The following MYO5B variants were observed in gnomAD, a reference collection of about 807,000 sequenced individuals.
The protein encoded by MYO5B is unconventional myosin-Vb.
Under a neutral mutation model 229.3 loss-of-function variants are expected in MYO5B, and 143 were observed. That is an observed-to-expected ratio of 0.62 (90% CI 0.54 to 0.72). The LOEUF (loss-of-function observed/expected upper bound fraction) is 0.72. Among genes scored for constraint, MYO5B ranks in the 30% least tolerant of loss-of-function variants. The probability of loss-of-function intolerance (pLI) is 0.00; values close to 1 mark genes in which losing one functional copy is unlikely to be tolerated. For missense variants in MYO5B, 2,321 were observed against 2,331.0 expected (o/e 1.00, Z 0.09); for synonymous variants, 918 against 885.2 (o/e 1.04, Z -0.66).
intron 4 of MYO5B, among the ~76,000 whole-genome samples, chr18:50,029,095 C>T (rs1428415362): frequency 6.6e-6 from 1 of 152,114 alleles, no homozygotes; most frequent in East Asian, 1.9e-4. Context: ...AATAACTTTC[C>T]CCTACTCAGA....
At chr18:50,133,917 G>A (rs1264977134) in intron 1 of MYO5B, among the ~76,000 whole-genome samples, 11 of 152,176 alleles carry the variant, frequency 7.2e-5, no homozygotes, top group Non-Finnish European at 1.6e-4. Flanking sequence ...ATCTTTAAGA[G>A]AAAGACACAA....
chr18:49,928,619 T>G (rs1379313779), intron 17 of MYO5B, among the ~76,000 whole-genome samples: 1 of 152,170 alleles, frequency 6.6e-6, no homozygotes, highest in Non-Finnish European at 1.5e-5. Flanking sequence ...ACTCCCACTA[T>G]TGGGTATCTA....
At chr18:50,096,874 A>T (rs1373205850) in intron 1 of MYO5B, among the ~76,000 whole-genome samples, 1 of 152,112 alleles carries the variant, frequency 6.6e-6, no homozygotes, top group African/African-American at 2.4e-5. Flanking sequence ...GCATGGCTAC[A>T]ATATACCCCT....
chr18:50,000,500 A>AG (rs1174877886), intron 5 of MYO5B, among the ~76,000 whole-genome samples: 11 of 152,218 alleles, frequency 7.2e-5, no homozygotes, highest in African/African-American at 2.7e-4. Flanking sequence ...AGGGACTACG[A>AG]GGCCATTTCA....
chr18:50,102,797 A>AG (rs1035367069), intron 1 of MYO5B, among the ~76,000 whole-genome samples: 7 of 151,962 alleles, frequency 4.6e-5, no homozygotes, highest in South Asian at 4.2e-4. Flanking sequence ...AAAACCCCCC[A>AG]GGCCAAAGAA....
rs565077532 is a variant in MYO5B at position 49,886,705 on chromosome 18, T to C, written c.3046-6250A>G. Reference sequence around the variant, plus strand: ...ATTAATGCAACAGATGTTGTATGTCTTCAGAGGCTAAAATGTGACCTGGTG... The same window carrying C: ...ATTAATGCAACAGATGTTGTATGTCCTCAGAGGCTAAAATGTGACCTGGTG... On this transcript the variant is annotated intron_variant, in intron 22 of 39. Coordinates refer to ENST00000285039, the MANE Select transcript of MYO5B (RefSeq NM_001080467.3). Among the ~76,000 whole-genome samples, 15 of 152,332 alleles carry C rather than the reference T, an allele frequency of 9.8e-5. No individual in the cohort carries two copies. The South Asian group carries it at 2.9e-3, about 29-fold the overall frequency.
chr18:49,899,227 T>A (rs2024814231), intron 21 of MYO5B, among the ~76,000 whole-genome samples: 1 of 152,164 alleles, frequency 6.6e-6, no homozygotes, highest in Non-Finnish European at 1.5e-5. Context: ...AGAGGACCAC[T>A]GCCTAAGTTG....
rs781734385 is a variant in MYO5B at position 49,936,378 on chromosome 18, A to G, written c.1906-29T>C. 1.5e-5 allele frequency: 22 copies of G among 1,495,852 alleles called. No individual in the cohort carries two copies. The East Asian group carries it at 5.2e-4, about 35-fold the overall frequency. The allele number at this position is 1,495,852 out of a possible 1,614,324, so 92.7% of individuals were successfully genotyped here. A position where few individuals can be genotyped will look rare whatever the true frequency, so the allele number is the denominator to read the frequency against. On this transcript the variant is annotated intron_variant, in intron 15 of 39. Coordinates refer to ENST00000285039, the MANE Select transcript of MYO5B (RefSeq NM_001080467.3). ...GAGAGACAAAAGCCAGTGCTTGGTT[A>G]GTTTTAACAAGTCGTGGATGTGTGA... is the stretch of plus-strand genomic sequence containing the variant.
Position 49,843,404 on chromosome 18 carries a change from G to A in MYO5B, c.4460-12C>T, listed in dbSNP as rs1440790033. ...CTGGGGCTTCAAGTCTAAGGGCAAC[G>A]AGAGCAGCAAATGGCAAGTTAGATC... On this transcript the variant is annotated splice_polypyrimidine_tract_variant and intron_variant, in intron 33 of 39. Coordinates refer to ENST00000285039, the MANE Select transcript of MYO5B (RefSeq NM_001080467.3). 4.3e-6 allele frequency: 7 copies of A among 1,614,108 alleles called. No individual in the cohort carries two copies. The highest frequency in any genetic ancestry group is 2.2e-5 in the South Asian group (2 of 91,078).
chr18:50,055,450 T>A, intron 1 of MYO5B, 72 bp from the exon 2 acceptor site: 1 of 1,271,630 alleles, frequency 7.9e-7, no homozygotes, highest in Non-Finnish European at 1.1e-6. Flanking sequence ...TGTCACTACC[T>A]AGAAAGTGCC....
chr18:49,875,600 T>C, intron 26 of MYO5B, 87 bp downstream of exon 26: 6 of 1,555,604 alleles, frequency 3.9e-6, no homozygotes, highest in Non-Finnish European at 5.3e-6. Flanking sequence ...TCCCATGTGG[T>C]CACACATGCC....
chr18:50,120,879 A>C (rs1033432022), intron 1 of MYO5B, among the ~76,000 whole-genome samples: 3 of 152,150 alleles, frequency 2.0e-5, no homozygotes, highest in Non-Finnish European at 4.4e-5. Context: ...GCTGACCTGC[A>C]CGCCATTTAA....
At chr18:50,117,037 A>C (rs1323437459) in intron 1 of MYO5B, among the ~76,000 whole-genome samples, 1 of 152,202 alleles carries the variant, frequency 6.6e-6, no homozygotes, top group African/African-American at 2.4e-5. Flanking sequence ...TTGTTATGAG[A>C]TAAACATTAA....
chr18:49,844,132 C>T (rs2024097131), intron 33 of MYO5B, among the ~76,000 whole-genome samples: 1 of 152,216 alleles, frequency 6.6e-6, no homozygotes, highest in African/African-American at 2.4e-5. Context: ...TGTGAGTCTC[C>T]CCATTAACTG....
intron 4 of MYO5B, among the ~76,000 whole-genome samples, chr18:50,018,287 C>T (rs1440177649): frequency 1.6e-4 from 7 of 42,484 alleles, no homozygotes; most frequent in Non-Finnish European, 3.3e-4. Context: ...CATACATATA[C>T]CCATTTTTTT....
At chr18:50,178,038 T>C (rs2033021382) in intron 1 of MYO5B, among the ~76,000 whole-genome samples, 2 of 152,222 alleles carry the variant, frequency 1.3e-5, no homozygotes, top group African/African-American at 4.8e-5. Context: ...CTATGTCTTA[T>C]TCACCTTTTA....
At chr18:49,962,009 T>C (rs1184912543) in intron 12 of MYO5B, among the ~76,000 whole-genome samples, 1 of 152,198 alleles carries the variant, frequency 6.6e-6, no homozygotes, top group Non-Finnish European at 1.5e-5. Context: ...CACCATATTA[T>C]GCCAACCCGT....
At chr18:50,110,432 C>T (rs2031845128) in intron 1 of MYO5B, among the ~76,000 whole-genome samples, 1 of 152,166 alleles carries the variant, frequency 6.6e-6, no homozygotes, top group South Asian at 2.1e-4. Flanking sequence ...GAAGATAGTG[C>T]TTTCTCTCAT....
rs937026186 is a variant in MYO5B, at chr18:50,036,749, C to A, written c.455+101G>T. 27 of 1,403,440 alleles carry A rather than the reference C, an allele frequency of 1.9e-5. No individual in the cohort carries two copies. The South Asian group carries it at 3.2e-4, about 17-fold the overall frequency. The allele number at this position is 1,403,440 out of a possible 1,614,324, so 86.9% of individuals were successfully genotyped here. On this transcript the variant is annotated intron_variant, in intron 4 of 39. Transcript: ENST00000285039. ...TCCAAGATGTTTCCTCAGTCCCAATCTCACCACCTCACTGTGAGCATCAGT... is the reference window on the plus strand; with the variant it reads ...TCCAAGATGTTTCCTCAGTCCCAATATCACCACCTCACTGTGAGCATCAGT...
Sources: gnomAD v4.1 joint callset for allele counts (sites outside exome capture counted in the v4.1 genomes callset) on GRCh38, gnomAD v4.1.1 for gene constraint, MANE v1.5 for transcripts, NCBI Gene and HGNC (gene_info 2026-07-23, HGNC 2026-07-21) for gene names.